Variants in DYM observed in about 807,000 individuals in gnomAD.
The protein encoded by DYM is dyggve-Melchior-Clausen syndrome protein.
Under a neutral mutation model 93.1 loss-of-function variants are expected in DYM, and 78 were observed. That is an observed-to-expected ratio of 0.84 (90% CI 0.70 to 1.01). The LOEUF (loss-of-function observed/expected upper bound fraction) is 1.01. DYM is among the 50% of genes least tolerant of loss of function. DYM has a pLI of 0.00. For synonymous variants in DYM, 321 were observed against 319.7 expected, an observed-to-expected ratio of 1.00 and a Z score of -0.04; for missense variants, 789 against 845.0, an observed-to-expected ratio of 0.93 and a Z score of 0.82.
intron 13 of DYM, among the ~76,000 whole-genome samples, chr18:49,237,140 AGG>A (rs2093891659): frequency 6.6e-6 from 1 of 152,110 alleles, no homozygotes; most frequent in Non-Finnish European, 1.5e-5. Context: ...ACACACTGAA[AGG>A]TTAGGTAACT....
chr18:49,132,932 A>G (rs2083500983), intron 15 of DYM, among the ~76,000 whole-genome samples: 1 of 152,226 alleles, frequency 6.6e-6, no homozygotes, highest in Non-Finnish European at 1.5e-5. Flanking sequence ...GCTTCCTGAC[A>G]AACAACTCGC....
At chr18:49,110,117 T>C (rs1487579476) in intron 16 of DYM, among the ~76,000 whole-genome samples, 2 of 152,270 alleles carry the variant, frequency 1.3e-5, no homozygotes, top group East Asian at 1.9e-4. Context: ...ACATAGTCTA[T>C]GGCTGCCATT....
chr18:49,240,161 T>C (rs577104314), intron 13 of DYM, among the ~76,000 whole-genome samples: 3 of 152,284 alleles, frequency 2.0e-5, no homozygotes, highest in Non-Finnish European at 2.9e-5. Context: ...AATTCAGAAA[T>C]AGTAGATATT....
intron 14 of DYM, among the ~76,000 whole-genome samples, chr18:49,166,774 C>T (rs899537350): frequency 6.6e-6 from 1 of 151,920 alleles, no homozygotes; most frequent in Non-Finnish European, 1.5e-5. Flanking sequence ...TCAATTCTTG[C>T]ACAAGGTGTG....
chr18:49,309,283 T>C (rs2061450365), intron 8 of DYM, among the ~76,000 whole-genome samples: 1 of 152,204 alleles, frequency 6.6e-6, no homozygotes, highest in Non-Finnish European at 1.5e-5. Flanking sequence ...GGATTTTCTC[T>C]CAAAGGTGGC....
At chr18:49,080,419 C>A (rs2077802230) in intron 17 of DYM, among the ~76,000 whole-genome samples, 1 of 131,870 alleles carries the variant, frequency 7.6e-6, no homozygotes, top group Admixed American at 7.2e-5. Flanking sequence ...GACGGGGTGG[C>A]TGGCCCGGCA....
intron 17 of DYM, among the ~76,000 whole-genome samples, chr18:49,072,649 A>C (rs1356180168): frequency 6.6e-6 from 1 of 152,260 alleles, no homozygotes; most frequent in Non-Finnish European, 1.5e-5. Flanking sequence ...TGATAAATGA[A>C]TGGTCCACAG....
chr18:49,287,015 A>AC (rs1163103341), intron 8 of DYM, among the ~76,000 whole-genome samples: 1 of 152,036 alleles, frequency 6.6e-6, no homozygotes, highest in Non-Finnish European at 1.5e-5. Flanking sequence ...ACATGGTGAA[A>AC]CCCCATCTCT....
intron 17 of DYM, among the ~76,000 whole-genome samples, chr18:49,090,724 AG>A (rs1444848839): frequency 7.9e-5 from 12 of 152,348 alleles, no homozygotes; most frequent in Middle Eastern, 3.4e-3. Flanking sequence ...GTTCAGAAAT[AG>A]GAAAAAATGA....
intron 17 of DYM, among the ~76,000 whole-genome samples, chr18:49,070,128 C>T (rs1056823593): frequency 1.3e-5 from 2 of 152,212 alleles, no homozygotes; most frequent in African/African-American, 4.8e-5. Flanking sequence ...AAGTACAAGA[C>T]AAGAGCTCCG....
intron 14 of DYM, among the ~76,000 whole-genome samples, chr18:49,181,972 T>C (rs991028188): frequency 1.3e-5 from 2 of 152,184 alleles, no homozygotes; most frequent in Non-Finnish European, 2.9e-5. Context: ...ACTGCTTTAG[T>C]GGCAGCCATC....
At chr18:49,235,369 C>T (rs938488077) in intron 13 of DYM, among the ~76,000 whole-genome samples, 1 of 152,094 alleles carries the variant, frequency 6.6e-6, no homozygotes, top group African/African-American at 2.4e-5. Context: ...ACTGATACAC[C>T]TGATGAAATC....
At chr18:49,386,945 C>CT (rs575238087) in intron 3 of DYM, among the ~76,000 whole-genome samples, 11,337 of 138,308 alleles carry the variant, frequency 0.082, 651 homozygotes, top group East Asian at 0.3. Context: ...TATTTATTTA[C>CT]TTTTTTTTTT....
In DYM at chr18:49,137,164, C is replaced by G. The variant is rs16950358; in HGVS notation, c.1729-18238G>C. ...ACCACAGCATATCTTCTGCTATGAC[C>G]AACGTGACAAGTAGACATTTCCTTC... On this transcript the variant is annotated intron_variant, in intron 15 of 17. Coordinates refer to ENST00000675505, the MANE Select transcript of DYM (RefSeq NM_001353214.3). Among the ~76,000 whole-genome samples the G allele has an allele frequency of 5.9e-3, 896 of 152,258 alleles. 24 individuals carry two copies. In the South Asian group the frequency reaches 0.073, roughly 12 times the overall value.
chr18:49,390,503 G>C (rs755338436), intron 3 of DYM, among the ~76,000 whole-genome samples: 1 of 151,644 alleles, frequency 6.6e-6, no homozygotes, highest in Non-Finnish European at 1.5e-5. Flanking sequence ...CATACAGCTC[G>C]ATTTTTTTTT....
chr18:49,202,622 G>A (rs1006409732), intron 14 of DYM, among the ~76,000 whole-genome samples: 1 of 120,354 alleles, frequency 8.3e-6, no homozygotes, highest in Non-Finnish European at 1.7e-5. Flanking sequence ...TGTCTGAGAT[G>A]TGGGGAGCGC....
intron 4 of DYM, 24 bp from the exon 5 acceptor site, chr18:49,378,724 GA>G: frequency 6.2e-7 from 1 of 1,610,254 alleles, no homozygotes; most frequent in Non-Finnish European, 8.5e-7. Context: ...AATCATACAA[GA>G]ATCAATATTT....
At chr18:49,313,436 C>G (rs139214480) in intron 8 of DYM, among the ~76,000 whole-genome samples, 1 of 116,500 alleles carries the variant, frequency 8.6e-6, no homozygotes, top group African/African-American at 3.3e-5. Flanking sequence ...GAACTCCAGT[C>G]TCGGCAACAG....
At chr18:49,449,003 T>A (rs1304237054) in intron 1 of DYM, among the ~76,000 whole-genome samples, 1 of 152,142 alleles carries the variant, frequency 6.6e-6, no homozygotes, top group Non-Finnish European at 1.5e-5. Flanking sequence ...AAGTCCCCCT[T>A]ATTTAGGGCC....
Sources: allele counts gnomAD v4.1 joint callset (sites outside exome capture counted in the v4.1 genomes callset), GRCh38; gene constraint gnomAD v4.1.1; transcripts MANE v1.5; gene names NCBI Gene and HGNC (gene_info 2026-07-23, HGNC 2026-07-21).